OPCML: variants seen among roughly 807,000 people sequenced by gnomAD.
OPCML encodes opioid-binding protein/cell adhesion molecule.
OPCML carries 13 observed loss-of-function variants against 37.8 expected under a neutral mutation model. That is an observed-to-expected ratio of 0.34 (90% CI 0.22 to 0.55). The LOEUF is 0.55. OPCML is among the 20% of genes least tolerant of loss of function. OPCML has a pLI of 0.91. For synonymous variants in OPCML, 176 were observed against 168.8 expected (o/e 1.04, Z -0.33); for missense variants, 341 against 435.6 (o/e 0.78, Z 1.93).
chr11:132,632,875 T>C (rs1442257083), intron 3 of OPCML, among the ~76,000 whole-genome samples: 1 of 149,098 alleles, frequency 6.7e-6, no homozygotes, highest in African/African-American at 2.5e-5. Context: ...TCAGAGATGA[T>C]AAAGAAACAT....
chr11:133,184,280 C>T (rs1304579259), intron 1 of OPCML, among the ~76,000 whole-genome samples: 2 of 152,162 alleles, frequency 1.3e-5, no homozygotes. Flanking sequence ...AAAAAGGTAA[C>T]TGCTGTAACT....
intron 1 of OPCML, among the ~76,000 whole-genome samples, chr11:132,979,905 G>A: frequency 6.6e-6 from 1 of 152,188 alleles, no homozygotes; most frequent in South Asian, 2.1e-4. Flanking sequence ...AGAATGAAAG[G>A]GTGAAGAGTG....
chr11:133,093,751 A>T (rs1400507861), intron 1 of OPCML, among the ~76,000 whole-genome samples: 4 of 150,628 alleles, frequency 2.7e-5, no homozygotes, highest in African/African-American at 9.7e-5. Context: ...TAGGTTCTTC[A>T]TGCTAAGGTT....
intron 1 of OPCML, among the ~76,000 whole-genome samples, chr11:132,975,971 C>T (rs1401419182): frequency 1.3e-5 from 2 of 152,110 alleles, no homozygotes; most frequent in Admixed American, 6.6e-5. Flanking sequence ...GGGGTTTCAC[C>T]ATGTTAGCCA....
intron 2 of OPCML, among the ~76,000 whole-genome samples, chr11:132,784,368 T>C (rs1175745462): frequency 6.6e-6 from 1 of 152,152 alleles, no homozygotes; most frequent in Admixed American, 6.5e-5. Flanking sequence ...TCTATCTAGT[T>C]AGCCCATCTA....
At chr11:133,135,755 T>C (rs1949679818) in intron 1 of OPCML, among the ~76,000 whole-genome samples, 1 of 152,170 alleles carries the variant, frequency 6.6e-6, no homozygotes, top group Non-Finnish European at 1.5e-5. Context: ...ATCCTCAAAG[T>C]AGCGTCCTTT....
At chr11:132,891,268 A>C (rs536545398) in intron 2 of OPCML, among the ~76,000 whole-genome samples, 2 of 152,148 alleles carry the variant, frequency 1.3e-5, no homozygotes, top group Non-Finnish European at 2.9e-5. Flanking sequence ...GCACACAGCA[A>C]TTGTTGCTGT....
chr11:133,345,275 A>G (rs1417377436), intron 1 of OPCML, among the ~76,000 whole-genome samples: 1 of 152,262 alleles, frequency 6.6e-6, no homozygotes, highest in Non-Finnish European at 1.5e-5. Flanking sequence ...CAAAGGGTAG[A>G]AACAAAAATT....
chr11:132,700,019 A>G (rs1943746547), intron 2 of OPCML, among the ~76,000 whole-genome samples: 1 of 151,662 alleles, frequency 6.6e-6, no homozygotes, highest in South Asian at 2.1e-4. Context: ...CAATCCTTGT[A>G]ATTGGCCTAT....
intron 1 of OPCML, among the ~76,000 whole-genome samples, chr11:133,476,736 C>A (rs79729200): frequency 6.6e-6 from 1 of 152,082 alleles, no homozygotes; most frequent in East Asian, 1.9e-4. Flanking sequence ...TCGAGGAGAA[C>A]GGCAAGACAG....
chr11:133,133,974 A>G (rs1177675717), intron 1 of OPCML, among the ~76,000 whole-genome samples: 12 of 152,160 alleles, frequency 7.9e-5, no homozygotes, highest in Admixed American at 7.9e-4. Flanking sequence ...CTTACTAACC[A>G]TTAATGAATA....
intron 1 of OPCML, among the ~76,000 whole-genome samples, chr11:133,078,144 G>C (rs1948651678): frequency 6.6e-6 from 1 of 152,200 alleles, no homozygotes; most frequent in East Asian, 1.9e-4. Flanking sequence ...TAGAGAAGGG[G>C]ACCGGACAGA....
At chr11:133,160,401 G>A (rs1950126069) in intron 1 of OPCML, among the ~76,000 whole-genome samples, 1 of 152,188 alleles carries the variant, frequency 6.6e-6, no homozygotes, top group Admixed American at 6.5e-5. Context: ...AGTCAACTCA[G>A]CAGTAGACAG....
At chr11:132,659,301 A>T (rs1342899880) in intron 2 of OPCML, among the ~76,000 whole-genome samples, 1 of 152,176 alleles carries the variant, frequency 6.6e-6, no homozygotes, top group South Asian at 2.1e-4. Context: ...AAATATGATA[A>T]ATTTATTCAT....
At chr11:133,406,217 C>T (rs868801763) in intron 1 of OPCML, among the ~76,000 whole-genome samples, 1 of 152,282 alleles carries the variant, frequency 6.6e-6, no homozygotes, top group Middle Eastern at 3.4e-3. Context: ...AGAACATACA[C>T]ACAGTCCCCT....
At chr11:133,274,308 C>CGGTCAT (rs1941932135) in intron 1 of OPCML, among the ~76,000 whole-genome samples, 1 of 151,496 alleles carries the variant, frequency 6.6e-6, no homozygotes, top group South Asian at 2.1e-4. Context: ...AGTTCCTGTG[C>CGGTCAT]GGTCATACTG....
chr11:132,589,379 T>C (rs555064444), intron 3 of OPCML, among the ~76,000 whole-genome samples: 1 of 152,344 alleles, frequency 6.6e-6, no homozygotes, highest in East Asian at 1.9e-4. Flanking sequence ...CAAATGTTTA[T>C]TTACTGTTTA....
intron 2 of OPCML, among the ~76,000 whole-genome samples, chr11:132,888,425 G>A (rs967244617): frequency 2.0e-5 from 3 of 152,176 alleles, no homozygotes; most frequent in Non-Finnish European, 2.9e-5. Flanking sequence ...CAGCATGCTC[G>A]GTGAGGGATG....
chr11:132,422,039 C>A (rs1290509271), intron 7 of OPCML, among the ~76,000 whole-genome samples: 1 of 151,842 alleles, frequency 6.6e-6, no homozygotes, highest in African/African-American at 2.4e-5. Context: ...TTAAAATTAT[C>A]TTTTTGTATA....
Sources: allele counts gnomAD v4.1 joint callset (sites outside exome capture counted in the v4.1 genomes callset), GRCh38; gene constraint gnomAD v4.1.1; transcripts MANE v1.5; gene names NCBI Gene and HGNC (gene_info 2026-07-23, HGNC 2026-07-21).